The following KALRN variants were observed in gnomAD, a reference collection of about 807,000 sequenced individuals.
The protein encoded by KALRN is kalirin RhoGEF kinase.
In KALRN, 70 loss-of-function variants were observed where a neutral mutation model predicts 353.7. That is an observed-to-expected ratio of 0.20 (90% confidence interval 0.16 to 0.24). KALRN has a LOEUF of 0.24. KALRN is among the 10% of genes least tolerant of loss of function. The pLI is 1.00. For missense variants in KALRN, 2,791 were observed against 3,756.7 expected, an observed-to-expected ratio of 0.74 and a Z score of 6.72; for synonymous variants, 1,391 against 1,434.8, an observed-to-expected ratio of 0.97 and a Z score of 0.69.
At chr3:124,375,665 C>G (rs2086489631) in intron 10 of KALRN, among the ~76,000 whole-genome samples, 1 of 152,158 alleles carries the variant, frequency 6.6e-6, no homozygotes. Flanking sequence ...CTAGGATTGA[C>G]TTTGCCTTTT....
intron 5 of KALRN, among the ~76,000 whole-genome samples, chr3:124,293,601 C>T (rs2076596351): frequency 6.6e-6 from 1 of 151,922 alleles, no homozygotes; most frequent in Non-Finnish European, 1.5e-5. Context: ...AATTACTTAG[C>T]TTGGTTAAAA....
intron 33 of KALRN, chr3:124,518,499 T>C: frequency 6.2e-7 from 1 of 1,613,604 alleles, no homozygotes; most frequent in African/African-American, 1.3e-5. Flanking sequence ...GCTCACCGGG[T>C]TAGCCGTGGC....
chr3:124,462,092 C>G, intron 24 of KALRN, 136 bp downstream of exon 24: 1 of 674,146 alleles, frequency 1.5e-6, no homozygotes, highest in South Asian at 1.8e-5. Flanking sequence ...AAGAGGAAAT[C>G]TTTCTCCTAA....
At chr3:124,552,940 A>G (rs2070732416) in intron 33 of KALRN, among the ~76,000 whole-genome samples, 1 of 151,952 alleles carries the variant, frequency 6.6e-6, no homozygotes, top group Admixed American at 6.6e-5. Flanking sequence ...TAATTTTTGT[A>G]TTTTTGGTAG....
intron 1 of KALRN, among the ~76,000 whole-genome samples, chr3:124,139,525 A>G (rs1168090798): frequency 6.6e-6 from 1 of 152,178 alleles, no homozygotes; most frequent in Non-Finnish European, 1.5e-5. Context: ...TTTGCTGAGA[A>G]CTGCTGGGCA....
intron 10 of KALRN, among the ~76,000 whole-genome samples, chr3:124,362,183 A>T (rs1265852988): frequency 6.6e-6 from 1 of 152,252 alleles, no homozygotes; most frequent in East Asian, 1.9e-4. Context: ...TTCAGGCAGT[A>T]TATTAAGCAA....
intron 1 of KALRN, among the ~76,000 whole-genome samples, chr3:124,044,887 T>C (rs1404260852): frequency 1.1e-4 from 3 of 26,414 alleles, no homozygotes; most frequent in African/African-American, 2.1e-4. Context: ...CCTTCCTTCC[T>C]TCCTTCCTTC....
chr3:124,151,048 A>C lies in KALRN; in HGVS notation c.74-76942A>C, dbSNP rs777027444. Among the ~76,000 whole-genome samples, 3 of 152,318 alleles carry C rather than the reference A, an allele frequency of 2.0e-5. No individual in the cohort carries two copies. In the East Asian group the frequency reaches 5.8e-4, roughly 29 times the overall value. On this transcript the variant is annotated intron_variant, in intron 1 of 59. Transcript: ENST00000682506. ...ATGTTGTGTATAGCAATTTATTTCT[A>C]TATTGTATAAATATGCCACAATTTA...
chr3:124,284,807 A>G (rs1159542187), intron 5 of KALRN, among the ~76,000 whole-genome samples: 2 of 152,234 alleles, frequency 1.3e-5, no homozygotes, highest in Non-Finnish European at 1.5e-5. Flanking sequence ...GAAATGTATT[A>G]TTTCACATTT....
At chr3:124,462,696 C>T (rs2059968050) in intron 25 of KALRN, 63 bp downstream of exon 25, 2 of 928,878 alleles carry the variant, frequency 2.2e-6, no homozygotes, top group Admixed American at 3.9e-5. Context: ...AACAGGGTTC[C>T]CAAGAAGTGG....
rs1193038388 is a variant in KALRN at position 124,334,346 on chromosome 3, G to A, written c.1498G>A (p.Ala500Thr). 1.2e-6 allele frequency: 2 copies of A among 1,614,134 alleles called. No individual in the cohort carries two copies. The highest frequency in any genetic ancestry group is 1.7e-6 in the Non-Finnish European group (2 of 1,180,044). ...PGNSESLTATANYSKAVHQVL... is the reference protein window; with the variant it reads ...PGNSESLTATTNYSKAVHQVL... ...GAACTCCGAATCCCTCACGGCCACA[G>A]CCAACTACTCCAAGGCAGTGCACCA... The change falls in exon 9 of 60, where the codon GCC becomes ACC. Residue 500 changes from alanine to threonine, a missense_variant. Physicochemically the swap from Ala to Thr is moderately conservative, Grantham distance 58. This residue lies in a region of KALRN where 366 missense variants were observed against 489.2 expected (regional missense o/e 0.75). Transcript: ENST00000682506. The surrounding 1 kb of genome is among the most constrained non-coding windows in gnomAD (Gnocchi z 4.2).
At chr3:124,277,310 C>T (rs752379044) in intron 5 of KALRN, among the ~76,000 whole-genome samples, 16 of 152,080 alleles carry the variant, frequency 1.1e-4, no homozygotes, top group Non-Finnish European at 1.9e-4. Flanking sequence ...AGAAAGGCTC[C>T]GGTGCCCTCT....
At chr3:124,531,672 C>T (rs776382103) in intron 33 of KALRN, among the ~76,000 whole-genome samples, 7 of 152,102 alleles carry the variant, frequency 4.6e-5, no homozygotes, top group Non-Finnish European at 1.5e-5. Flanking sequence ...TTTTAAACAA[C>T]CAAATCTCAC....
At chr3:124,555,233 GAA>G (rs35641670) in intron 33 of KALRN, among the ~76,000 whole-genome samples, 3,872 of 147,980 alleles carry the variant, frequency 0.026, 171 homozygotes, top group African/African-American at 0.091. Flanking sequence ...TATCATTAAA[GAA>G]AAAAAAAAGT....
chr3:124,522,001 AAAAT>A (rs1390555959), intron 33 of KALRN, among the ~76,000 whole-genome samples: 1 of 152,204 alleles, frequency 6.6e-6, no homozygotes, highest in Admixed American at 6.5e-5. Flanking sequence ...GACAATAAAC[AAAAT>A]AAATAACACA....
chr3:124,467,345 G>C (rs940051650), intron 25 of KALRN, among the ~76,000 whole-genome samples: 1 of 152,220 alleles, frequency 6.6e-6, no homozygotes, highest in Non-Finnish European at 1.5e-5. Flanking sequence ...TGGAGATGAA[G>C]CTGGTACCCT....
At chr3:124,289,382 A>G (rs1466335615) in intron 5 of KALRN, among the ~76,000 whole-genome samples, 1 of 152,100 alleles carries the variant, frequency 6.6e-6, no homozygotes, top group Admixed American at 6.6e-5. Context: ...AATGGTTTAA[A>G]AGCATGACTT....
chr3:124,176,817 C>A (rs182484830), intron 1 of KALRN, among the ~76,000 whole-genome samples: 1 of 152,312 alleles, frequency 6.6e-6, no homozygotes, highest in Admixed American at 6.5e-5. Context: ...TCTCTCCTTG[C>A]TTCATGTTAA....
intron 1 of KALRN, among the ~76,000 whole-genome samples, chr3:124,044,604 ACT>A (rs1483752076): frequency 7.0e-6 from 1 of 142,152 alleles, no homozygotes; most frequent in Non-Finnish European, 1.5e-5. Context: ...ACAGAGTGAG[ACT>A]CTGTCTCCAA....
Sources: allele counts gnomAD v4.1 joint callset (sites outside exome capture counted in the v4.1 genomes callset), GRCh38; gene constraint gnomAD v4.1.1; regional missense constraint gnomAD v4.1.1; non-coding constraint Gnocchi (gnomAD v3.1); transcripts MANE v1.5; gene names NCBI Gene and HGNC (gene_info 2026-07-23, HGNC 2026-07-21).